Variants in SRGAP2C observed in about 807,000 individuals in gnomAD.
SRGAP2C encodes SLIT-ROBO Rho GTPase activating protein 2C.
SRGAP2C carries 15 observed loss-of-function variants against 25.1 expected under a neutral mutation model. The ratio of observed to expected loss-of-function variants is 0.60; its 90% CI spans 0.40 to 0.92. The LOEUF (loss-of-function observed/expected upper bound fraction) is 0.92. Ranked by LOEUF, SRGAP2C falls within the 40% of genes least tolerant of loss-of-function variation. The pLI is 0.00. For missense variants in SRGAP2C, 144 were observed against 264.4 expected, an observed-to-expected ratio of 0.54 and a Z score of 3.16; for synonymous variants, 44 against 96.6, an observed-to-expected ratio of 0.46 and a Z score of 3.19.
intron 2 of SRGAP2C, among the ~76,000 whole-genome samples, chr1:121,191,208 C>G (rs1553319703): frequency 2.0e-5 from 3 of 151,854 alleles, no homozygotes; most frequent in African/African-American, 4.8e-5. Flanking sequence ...AAGGACTACC[C>G]CCACTTCCCC....
chr1:121,355,477 C>G (rs1659044161), intron 4 of SRGAP2C, among the ~76,000 whole-genome samples: 1 of 88,608 alleles, frequency 1.1e-5, no homozygotes, highest in Non-Finnish European at 2.3e-5. Context: ...GCCACTACGC[C>G]CGGCTAACTT....
chr1:121,320,988 A>G (rs1385338485), intron 3 of SRGAP2C, among the ~76,000 whole-genome samples: 2 of 152,224 alleles, frequency 1.3e-5, no homozygotes, highest in African/African-American at 2.4e-5. Context: ...TCACCTGTAC[A>G]GCTTTATTGG....
At chr1:121,274,950 T>C in intron 2 of SRGAP2C, among the ~76,000 whole-genome samples, 1 of 149,210 alleles carries the variant, frequency 6.7e-6, no homozygotes, top group Non-Finnish European at 1.5e-5. Flanking sequence ...TCTCACAGCC[T>C]CCTGAGCTTC....
At chr1:121,223,388 TGTGTG>T in intron 2 of SRGAP2C, among the ~76,000 whole-genome samples, 1 of 107,950 alleles carries the variant, frequency 9.3e-6, no homozygotes, top group Non-Finnish European at 1.9e-5. Context: ...TGTGTGTGTG[TGTGTG>T]TGTTTTATCT....
At chr1:121,245,814 AT>A (rs1417687823) in intron 2 of SRGAP2C, among the ~76,000 whole-genome samples, 1 of 127,624 alleles carries the variant, frequency 7.8e-6, no homozygotes, top group Non-Finnish European at 1.7e-5. Context: ...GCATAATATA[AT>A]TTTGGAAGGA....
intron 2 of SRGAP2C, among the ~76,000 whole-genome samples, chr1:121,255,358 G>A (rs1553332175): frequency 6.6e-6 from 1 of 151,862 alleles, no homozygotes. Flanking sequence ...CTTCTACAAT[G>A]GGATATTGGT....
At chr1:121,249,570 ATATATATATATT>A (rs1283611535) in intron 2 of SRGAP2C, among the ~76,000 whole-genome samples, 4,347 of 32,984 alleles carry the variant, frequency 0.13, 64 homozygotes, top group Non-Finnish European at 0.16. Context: ...ATATATATAT[ATATATATATATT>A]TTTTTTTTTT....
intron 2 of SRGAP2C, among the ~76,000 whole-genome samples, chr1:121,217,614 C>A (rs1367885474): frequency 1.3e-5 from 2 of 152,038 alleles, no homozygotes; most frequent in Non-Finnish European, 2.9e-5. Flanking sequence ...TCAAATTCCA[C>A]TGAAGTCTCT....
chr1:121,322,972 G>C (rs1404918545), intron 3 of SRGAP2C, among the ~76,000 whole-genome samples: 1 of 152,090 alleles, frequency 6.6e-6, no homozygotes, highest in Non-Finnish European at 1.5e-5. Flanking sequence ...CAGTGAATGA[G>C]AGTACTCGCT....
intron 2 of SRGAP2C, among the ~76,000 whole-genome samples, chr1:121,190,902 C>T (rs1241749528): frequency 1.4e-5 from 2 of 146,810 alleles, no homozygotes; most frequent in Non-Finnish European, 3.0e-5. Flanking sequence ...TGATTTTTGC[C>T]TCCCTATAAA....
intron 2 of SRGAP2C, among the ~76,000 whole-genome samples, chr1:121,202,610 G>T (rs1383825280): frequency 6.7e-6 from 1 of 149,234 alleles, no homozygotes; most frequent in African/African-American, 2.5e-5. Flanking sequence ...TAAATTTTTA[G>T]TAGAGACAGG....
At chr1:121,231,373 C>G (rs1321535138) in intron 2 of SRGAP2C, among the ~76,000 whole-genome samples, 119 of 144,292 alleles carry the variant, frequency 8.2e-4, no homozygotes, top group African/African-American at 3.1e-3. Context: ...TACCTAGAAG[C>G]TGCTCAGTAA....
intron 5 of SRGAP2C, among the ~76,000 whole-genome samples, chr1:121,368,412 A>G (rs1659399241): frequency 6.7e-6 from 1 of 148,526 alleles, no homozygotes; most frequent in African/African-American, 2.6e-5. Flanking sequence ...CTCAAAAAAA[A>G]AAAAAAAATA....
At position 121,365,761 on chromosome 1, in the gene SRGAP2C, G is replaced by A. The variant is rs1659300114; in HGVS notation, c.486+406G>A. On this transcript the variant is annotated intron_variant, in intron 5 of 9. Transcript: ENST00000367123. ...CTTTATTGTTCTAGGTTTTTCATCA[G>A]ATCTTGGATTGATGTATGGCTTTGA... 2.2e-5 allele frequency among the ~76,000 whole-genome samples: 2 copies of A among 91,728 alleles called. 1 individual carries two copies. Among genetic ancestry groups the A allele is most frequent in the Middle Eastern group, 9.3e-3 (2 of 214 alleles). 60.2% of individuals were successfully genotyped at this position (91,728 alleles called of 152,430 possible). A position where few individuals can be genotyped will look rare whatever the true frequency, so the allele number is the denominator to read the frequency against.
chr1:121,208,087 T>C (rs1261002702), intron 2 of SRGAP2C, among the ~76,000 whole-genome samples: 1 of 152,116 alleles, frequency 6.6e-6, no homozygotes, highest in Non-Finnish European at 1.5e-5. Flanking sequence ...GGAGTTGCTG[T>C]GTTGACTAAA....
intron 2 of SRGAP2C, among the ~76,000 whole-genome samples, chr1:121,212,037 A>G (rs1189128056): frequency 5.6e-5 from 6 of 106,736 alleles, no homozygotes; most frequent in Non-Finnish European, 9.2e-5. Context: ...ATGATTATGT[A>G]TGCCTACTAT....
intron 3 of SRGAP2C, among the ~76,000 whole-genome samples, chr1:121,304,101 C>T (rs1657764847): frequency 6.6e-6 from 1 of 150,934 alleles, no homozygotes; most frequent in African/African-American, 2.4e-5. Flanking sequence ...GTCCCAGCTA[C>T]TGGGGAGGCT....
rs765190600 is a variant in SRGAP2C, at chr1:121,231,801, CT to C, written c.67+44289del. Among the ~76,000 whole-genome samples the C allele has an allele frequency of 4.3e-4, 35 of 81,804 alleles. 4 individuals carry two copies. Among genetic ancestry groups the C allele is most frequent in the Non-Finnish European group, 7.5e-4 (31 of 41,496 alleles). 53.7% of individuals were successfully genotyped at this position (81,804 alleles called of 152,430 possible). A position where few individuals can be genotyped will look rare whatever the true frequency, so the allele number is the denominator to read the frequency against. ...GTAGTCTTTCCTGCATGTGCTCCCC[CT>C]GGCTGAGACAGTTTGTGGGCTTTCA... is the stretch of plus-strand genomic sequence containing the variant. On this transcript the variant is annotated intron_variant, in intron 2 of 9. Transcript: ENST00000367123.
At chr1:121,260,226 TCACATTTGTGCAAAAATTTA>T (rs1199613760) in intron 2 of SRGAP2C, among the ~76,000 whole-genome samples, 1 of 150,076 alleles carries the variant, frequency 6.7e-6, no homozygotes, top group Non-Finnish European at 1.5e-5. Flanking sequence ...ATGGAATAGG[TCACATTTGTGCAAAAATTTA>T]AAGGAGGTAA....
Sources: allele counts gnomAD v4.1 joint callset (sites outside exome capture counted in the v4.1 genomes callset), GRCh38; gene constraint gnomAD v4.1.1; transcripts MANE v1.5; gene names NCBI Gene and HGNC (gene_info 2026-07-23, HGNC 2026-07-21).